GORASP1: variants seen among roughly 807,000 people sequenced by gnomAD.
The protein encoded by GORASP1 is golgi reassembly stacking protein 1.
A neutral mutation model predicts 37.7 loss-of-function variants in GORASP1; 31 were observed. The observed-to-expected ratio is 0.82, with a 90% CI of 0.62 to 1.11. The LOEUF (loss-of-function observed/expected upper bound fraction) is 1.11. Ranked by LOEUF, GORASP1 falls within the 50% of genes least tolerant of loss-of-function variation. The pLI is 0.00. For synonymous variants in GORASP1, 204 were observed against 224.8 expected (o/e 0.91, Z 0.83); for missense variants, 476 against 560.7 (o/e 0.85, Z 1.53).
intron 3 of GORASP1, 85 bp from the exon 4 acceptor site, chr3:39,101,187 G>A: frequency 8.7e-7 from 1 of 1,153,354 alleles, no homozygotes; most frequent in South Asian, 1.3e-5. Flanking sequence ...TGCCTCTTGA[G>A]GTAGTGAGTG....
intron 3 of GORASP1, 150 bp from the exon 4 acceptor site, chr3:39,101,252 A>ACCCCTCCATTCCC (rs1220078984): frequency 2.9e-6 from 2 of 690,176 alleles, no homozygotes; most frequent in Non-Finnish European, 5.2e-6. Flanking sequence ...CCCTCATTTC[A>ACCCCTCCATTCCC]CCCCTCCATT....
rs1323699753 is a variant in GORASP1 at position 39,100,304 on chromosome 3, C to T, written c.765+1G>A. On this transcript the variant is annotated splice_donor_variant, in intron 6 of 8. Transcript: ENST00000319283. LOFTEE classifies it high-confidence loss of function. The surrounding 1 kb of genome is among the most constrained non-coding windows in gnomAD (Gnocchi z 4.6). ...CCAGTTGGCAGATTCTCCCCACATA[C>T]CTCCATGTAGTCACTCTGCCTGGAA... is the stretch of plus-strand genomic sequence containing the variant. 1.9e-6 allele frequency: 3 copies of T among 1,613,692 alleles called. No homozygotes were observed. In the East Asian group the frequency reaches 6.7e-5, roughly 36 times the overall value.
chr3:39,101,509 C>G (rs1002972804), intron 3 of GORASP1: 3 of 459,996 alleles, frequency 6.5e-6, no homozygotes, highest in Non-Finnish European at 1.3e-5. Flanking sequence ...GAAAAGCACA[C>G]CTTGGCTACA....
chr3:39,107,334 C>T (rs1016126259), intron 1 of GORASP1, 145 bp downstream of exon 1: 1 of 510,530 alleles, frequency 2.0e-6, no homozygotes, highest in African/African-American at 2.0e-5. Context: ...GAGGCTCCCA[C>T]CGGGCAGGGG....
At position 39,098,539 on chromosome 3, in the gene GORASP1, T is replaced by C. The variant is rs748912710; in HGVS notation, c.1070-50A>G. ...GGAGGTCTGCAAGAACCTAGGGCCA[T>C]GGTGTTAGGGCCAGTAACCCCACCG... is the stretch of plus-strand genomic sequence containing the variant. On this transcript the variant is annotated intron_variant, in intron 8 of 8. Coordinates refer to ENST00000319283, the MANE Select transcript of GORASP1 (RefSeq NM_031899.4). This position sits in a 1 kb window ranked among gnomAD's most constrained non-coding sequence, Gnocchi z 4.7. 1.9e-6 allele frequency: 3 copies of C among 1,575,964 alleles called. No homozygotes were observed. The African/African-American group carries it at 4.1e-5, about 21-fold the overall frequency.
chr3:39,099,254 G>T, intron 7 of GORASP1, 99 bp downstream of exon 7: 1 of 1,291,956 alleles, frequency 7.7e-7, no homozygotes, highest in Non-Finnish European at 1.1e-6. Context: ...GTATACATGA[G>T]ATATGAGGGG....
chr3:39,107,120 G>A (rs571888044), intron 1 of GORASP1: 1 of 488,786 alleles, frequency 2.0e-6, no homozygotes, highest in East Asian at 5.9e-5. Context: ...GCCCGCGGCA[G>A]GCGAGCGTAA....
chr3:39,107,519 TC>T lies in GORASP1; in HGVS notation c.22del (p.Glu8SerfsTer41). The T allele has an allele frequency of 6.7e-7, 1 of 1,496,538 alleles. No homozygotes were observed. 92.7% of individuals were successfully genotyped at this position (1,496,538 alleles called of 1,614,324 possible). On this transcript the variant is annotated frameshift_variant, in exon 1 of 9. Coordinates refer to ENST00000319283, the MANE Select transcript of GORASP1 (RefSeq NM_031899.4). LOFTEE classifies it high-confidence loss of function. MGLGVSAEQPAGGAEGFH... is the reference protein window; with the variant it reads MGLGVSAXQPAGGAEGFH... Reference sequence around the variant, plus strand: ...GCCCTCGGCGCCGCCTGCGGGCTGCTCAGCGCTGACGCCCAGGCCCATGGCA... The same window carrying T: ...GCCCTCGGCGCCGCCTGCGGGCTGCTAGCGCTGACGCCCAGGCCCATGGCA...
chr3:39,103,977 G>A lies in GORASP1; in HGVS notation c.64-424C>T, dbSNP rs1445888395. Among the ~76,000 whole-genome samples, 1 of 152,210 alleles carries A rather than the reference G, an allele frequency of 6.6e-6. No homozygotes were observed. Among genetic ancestry groups the A allele is most frequent in the African/African-American group, 2.4e-5 (1 of 41,448 alleles). ...CCCTGACGTGCAGTGGAAGTGGGCAGGCCTCGGGAGGGATACACCCAGGGC... is the reference window on the plus strand; with the variant it reads ...CCCTGACGTGCAGTGGAAGTGGGCAAGCCTCGGGAGGGATACACCCAGGGC... On this transcript the variant is annotated intron_variant, in intron 1 of 8. Transcript: ENST00000319283. The surrounding 1 kb of genome is among the most constrained non-coding windows in gnomAD (Gnocchi z 5.2).
chr3:39,100,306 T>A lies in GORASP1; in HGVS notation c.764A>T (p.Glu255Val). 1 of 1,613,752 alleles carries A rather than the reference T, an allele frequency of 6.2e-7. No homozygotes were observed. The highest frequency in any genetic ancestry group is 8.5e-7 in the Non-Finnish European group (1 of 1,179,782). The change falls in exon 6 of 9, where the codon GAG (glutamate) becomes GTG (valine). Residue 255 changes from glutamate to valine, a missense_variant and splice_region_variant. Glu to Val is a moderately radical substitution (Grantham distance 121). Transcript: ENST00000319283. This position sits in a 1 kb window ranked among gnomAD's most constrained non-coding sequence, Gnocchi z 4.6. Reference protein sequence around the residue: ...ETGSRQSDYMEALLQAPGSSM... With the variant: ...ETGSRQSDYMVALLQAPGSSM... ...AGTTGGCAGATTCTCCCCACATACC[T>A]CCATGTAGTCACTCTGCCTGGAACC...
In GORASP1 at chr3:39,102,397, G is replaced by A; in HGVS notation, c.348+281C>T. 3.7e-6 allele frequency: 2 copies of A among 544,918 alleles called. No homozygotes were observed. Among genetic ancestry groups the A allele is most frequent in the Non-Finnish European group, 6.6e-6 (2 of 302,318 alleles). 33.8% of individuals were successfully genotyped at this position (544,918 alleles called of 1,614,324 possible). A position where few individuals can be genotyped will look rare whatever the true frequency, so the allele number is the denominator to read the frequency against. On this transcript the variant is annotated intron_variant, in intron 3 of 8. Coordinates refer to ENST00000319283, the MANE Select transcript of GORASP1 (RefSeq NM_031899.4). This position sits in a 1 kb window ranked among gnomAD's most constrained non-coding sequence, Gnocchi z 5.0. ...CAGTCCAACCACCATTCCAGTAGAT[G>A]ATATTTCTACCTTTCAAATTAAGTA... is the stretch of plus-strand genomic sequence containing the variant.
intron 7 of GORASP1, 124 bp downstream of exon 7, chr3:39,099,229 C>T: frequency 2.7e-6 from 3 of 1,112,082 alleles, no homozygotes. Context: ...TGATATGCAA[C>T]TATTAAATAT....
rs781459366 is a variant in GORASP1 at position 39,099,471 on chromosome 3, C to T, written c.798G>A (p.Glu266=). ...ALLQAPGSSM[E]DPLPGPGSPS... The stretch of plus-strand genomic sequence containing the variant: ...GACTCCCAGGCCCAGGAAGGGGATC[C>T]TCCATGGAGGAGCCAGGTGCCTGCA... The change falls in exon 7 of 9, where the codon GAG becomes GAA. Residue 266 remains glutamate, a synonymous_variant. Coordinates refer to ENST00000319283, the MANE Select transcript of GORASP1 (RefSeq NM_031899.4). 1 of 1,611,250 alleles carries T rather than the reference C, an allele frequency of 6.2e-7. No homozygotes were observed. Among genetic ancestry groups the T allele is most frequent in the Non-Finnish European group, 8.5e-7 (1 of 1,178,886 alleles).
chr3:39,103,686 A>T lies in GORASP1; in HGVS notation c.64-133T>A, dbSNP rs1575463169. 4.8e-6 allele frequency: 3 copies of T among 620,094 alleles called. No homozygotes were observed. The highest frequency in any genetic ancestry group is 8.2e-6 in the Non-Finnish European group (3 of 367,624). The allele number at this position is 620,094 out of a possible 1,614,324, so 38.4% of individuals were successfully genotyped here. On this transcript the variant is annotated intron_variant, in intron 1 of 8. Coordinates refer to ENST00000319283, the MANE Select transcript of GORASP1 (RefSeq NM_031899.4). The surrounding 1 kb of genome is among the most constrained non-coding windows in gnomAD (Gnocchi z 5.2). ...ACATGTCTGGCATGAACTGTTCCGG[A>T]CATTCTCAGGGTTCACTCCATGGCC...
intron 1 of GORASP1, 88 bp downstream of exon 1, chr3:39,107,391 G>T: frequency 2.3e-6 from 2 of 866,496 alleles, no homozygotes; most frequent in Non-Finnish European, 1.5e-6. Context: ...GGACCCCGCC[G>T]CAGTCGCCAG....
chr3:39,106,822 G>T (rs1180358798), intron 1 of GORASP1: 2 of 273,008 alleles, frequency 7.3e-6, no homozygotes, highest in African/African-American at 2.3e-5. Context: ...CCACTCTCCG[G>T]AAGCCTGCTC....
Position 39,098,510 on chromosome 3 carries a change from C to A in GORASP1, c.1070-21G>T. On this transcript the variant is annotated intron_variant, in intron 8 of 8. Transcript: ENST00000319283. This position sits in a 1 kb window ranked among gnomAD's most constrained non-coding sequence, Gnocchi z 4.7. ...CTCACCTGCAACACAGAAGATCAGG[C>A]TGAGGAGGTCTGCAAGAACCTAGGG... 6.3e-7 allele frequency: 1 copy of A among 1,598,962 alleles called. No individual in the cohort carries two copies. Among genetic ancestry groups the A allele is most frequent in the South Asian group, 1.1e-5 (1 of 88,492 alleles).
In GORASP1 at chr3:39,099,330, C is replaced by T. The variant is rs750445441; in HGVS notation, c.916+23G>A. The T allele has an allele frequency of 5.0e-6, 8 of 1,612,030 alleles. No individual in the cohort carries two copies. The East Asian group carries it at 1.8e-4, about 36-fold the overall frequency. ...TCCAGCCCCAAGCCTGGGGCCCACT[C>T]CTCTCCAGGGCCTGCCCAGTACCTG... On this transcript the variant is annotated intron_variant, in intron 7 of 8. Transcript: ENST00000319283.
rs987955922 is a variant in GORASP1 at position 39,098,158 on chromosome 3, G to A, written c.*78C>T. 26 of 1,517,772 alleles carry A rather than the reference G, an allele frequency of 1.7e-5. No homozygotes were observed. Among genetic ancestry groups the A allele is most frequent in the African/African-American group, 1.6e-4 (12 of 72,958 alleles). The allele number at this position is 1,517,772 out of a possible 1,614,324, so 94.0% of individuals were successfully genotyped here. On this transcript the variant is annotated 3_prime_UTR_variant, in exon 9 of 9. Coordinates refer to ENST00000319283, the MANE Select transcript of GORASP1 (RefSeq NM_031899.4). This position sits in a 1 kb window ranked among gnomAD's most constrained non-coding sequence, Gnocchi z 4.7. The stretch of plus-strand genomic sequence containing the variant: ...ACCAAAGCAGCAAGGAATCCTGACC[G>A]CATAGTGCAGCCCGGGCTGCCTGCC...
Sources: allele counts gnomAD v4.1 joint callset (sites outside exome capture counted in the v4.1 genomes callset), GRCh38; gene constraint gnomAD v4.1.1; non-coding constraint Gnocchi (gnomAD v3.1); transcripts MANE v1.5; gene names NCBI Gene and HGNC (gene_info 2026-07-23, HGNC 2026-07-21).